Variants in KHDC1L observed in about 807,000 individuals in gnomAD.
KHDC1L encodes the protein KHDC1-like protein.
KHDC1L carries 5 observed loss-of-function variants against 11.2 expected under a neutral mutation model. The observed-to-expected ratio is 0.45, with a 90% confidence interval of 0.23 to 0.94. The LOEUF (loss-of-function observed/expected upper bound fraction) is 0.94. Among genes scored for constraint, KHDC1L ranks in the 40% least tolerant of loss-of-function variants. The pLI is 0.22. For missense variants in KHDC1L, 168 were observed against 165.8 expected (o/e 1.01, Z -0.07); for synonymous variants, 66 against 62.7 (o/e 1.05, Z -0.25).
chr6:73,225,289 C>T lies in KHDC1L; in HGVS notation c.112+8G>A, dbSNP rs1420792189. 1 of 1,612,202 alleles carries T rather than the reference C, an allele frequency of 6.2e-7. No individual in the cohort carries two copies. The highest frequency in any genetic ancestry group is 8.5e-7 in the Non-Finnish European group (1 of 1,178,800). ...ATGAAGGAGGGGACGTGGGCAAAGG[C>T]CACTCACCGAAGATGAGCTCCTCCT... On this transcript the variant is annotated splice_region_variant and intron_variant, in intron 1 of 2. Coordinates refer to ENST00000370388, the MANE Select transcript of KHDC1L (RefSeq NM_001126063.3).
At position 73,225,163 on chromosome 6, in the gene KHDC1L, A is replaced by C. The variant is rs936230858; in HGVS notation, c.112+134T>G. 3 of 682,000 alleles carry C rather than the reference A, an allele frequency of 4.4e-6. No individual in the cohort carries two copies. In the African/African-American group the frequency reaches 5.4e-5, roughly 12 times the overall value. 42.2% of individuals were successfully genotyped at this position (682,000 alleles called of 1,614,324 possible). On this transcript the variant is annotated intron_variant, in intron 1 of 2. Transcript: ENST00000370388. ...GCGCCTGTAATCCCAGGTACTCTGCAGGCTGAAGCAGGAGAATCACTTGAA... is the reference window on the plus strand; with the variant it reads ...GCGCCTGTAATCCCAGGTACTCTGCCGGCTGAAGCAGGAGAATCACTTGAA...
chr6:73,224,102 C>T, intron 2 of KHDC1L, 64 bp downstream of exon 2: 1 of 1,475,142 alleles, frequency 6.8e-7, no homozygotes, highest in Non-Finnish European at 9.1e-7. Context: ...CAAGATGCCA[C>T]ACAACACAGC....
chr6:73,225,250 A>G, intron 1 of KHDC1L, 47 bp downstream of exon 1: 1 of 1,549,382 alleles, frequency 6.5e-7, no homozygotes, highest in South Asian at 1.2e-5. Flanking sequence ...CAAAAAAATA[A>G]AAATAAAAAA....
At position 73,223,677 on chromosome 6, in the gene KHDC1L, G is replaced by C. The variant is rs1488775699; in HGVS notation, c.*71C>G. 1.5e-6 allele frequency: 2 copies of C among 1,300,836 alleles called. No individual in the cohort carries two copies. The highest frequency in any genetic ancestry group is 5.0e-5 in the East Asian group (2 of 39,768). The allele number at this position is 1,300,836 out of a possible 1,614,324, so 80.6% of individuals were successfully genotyped here. On this transcript the variant is annotated 3_prime_UTR_variant, in exon 3 of 3. Transcript: ENST00000370388. The stretch of plus-strand genomic sequence containing the variant: ...TGGCCACAAATTCAAACTTTCTTCA[G>C]TGTTTTTCATGTCTTTCTCACCAAA...
Position 73,225,364 on chromosome 6 carries a change from G to A in KHDC1L, c.45C>T (p.Thr15=), listed in dbSNP as rs1311147316. ...TTGGAGAATGAAAGTTTTCGGGCAG[G>A]GTCCACCACGGCTCCTTGCTGAGAG... The part of the protein sequence containing the change: ...TSALSKEPWW[T]LPENFHSPMV... The change falls in exon 1 of 3, where the codon ACC becomes ACT. Residue 15 remains threonine, a synonymous_variant. Coordinates refer to ENST00000370388, the MANE Select transcript of KHDC1L (RefSeq NM_001126063.3). 1 of 1,613,984 alleles carries A rather than the reference G, an allele frequency of 6.2e-7. No individual in the cohort carries two copies. Among genetic ancestry groups the A allele is most frequent in the Non-Finnish European group, 8.5e-7 (1 of 1,179,996 alleles).
At chr6:73,224,680 G>A (rs1766326573) in intron 1 of KHDC1L, among the ~76,000 whole-genome samples, 1 of 150,286 alleles carries the variant, frequency 6.7e-6, no homozygotes, top group African/African-American at 2.5e-5. Context: ...GGAGGCTGCG[G>A]CAGGAGAATG....
chr6:73,225,339 T>C lies in KHDC1L; in HGVS notation c.70A>G (p.Met24Val), dbSNP rs751527249. The C allele has an allele frequency of 5.0e-5, 81 of 1,613,836 alleles. No individual in the cohort carries two copies. Among genetic ancestry groups the C allele is most frequent in the Non-Finnish European group, 4.9e-5 (58 of 1,179,918 alleles). ...WTLPENFHSP[M>V]VFHMEEDQEE... ...TGGTCCTCTTCCATGTGGAACACCA[T>C]TGGAGAATGAAAGTTTTCGGGCAGG... The change falls in exon 1 of 3, where the codon ATG (methionine) becomes GTG (valine). Residue 24 changes from methionine to valine, a missense_variant. Coordinates refer to ENST00000370388, the MANE Select transcript of KHDC1L (RefSeq NM_001126063.3).
rs578176726 is a variant in KHDC1L, at chr6:73,225,350, A to C, written c.59T>G (p.Phe20Cys). 63 of 1,614,070 alleles carry C rather than the reference A, an allele frequency of 3.9e-5. No homozygotes were observed. In the East Asian group the frequency reaches 1.3e-3, roughly 33 times the overall value. Residue 20 changes from phenylalanine to cysteine, a missense_variant, in exon 1 of 3, where the codon TTT becomes TGT. By Grantham distance (205) the Phe-to-Cys change is radical. Coordinates refer to ENST00000370388, the MANE Select transcript of KHDC1L (RefSeq NM_001126063.3). ...CATGTGGAACACCATTGGAGAATGA[A>C]AGTTTTCGGGCAGGGTCCACCACGG... The part of the protein sequence containing the change: ...KEPWWTLPEN[F>C]HSPMVFHMEE...
Position 73,223,816 on chromosome 6 carries a change from G to A in KHDC1L, c.319C>T (p.Arg107Ter), listed in dbSNP as rs200612558. 61 of 1,603,468 alleles carry A rather than the reference G, an allele frequency of 3.8e-5. No individual in the cohort carries two copies. The highest frequency in any genetic ancestry group is 1.1e-4 in the East Asian group (5 of 44,582). The stretch of plus-strand genomic sequence containing the variant: ...TCATCATTGGTCAGGGGCTGGCTTC[G>A]GACACGCTCTAGCATCTTCAGACCT... ...ARGLKMLERV[R>*]SQPLTNDDLV... The change falls in exon 3 of 3, where the codon CGA (arginine) becomes TGA (stop). Residue 107 changes from arginine (R) to a stop codon, truncating the protein, a stop_gained. Transcript: ENST00000370388. LOFTEE classifies it low-confidence loss of function (END_TRUNC).
chr6:73,224,240 G>T lies in KHDC1L; in HGVS notation c.221C>A (p.Pro74Gln), dbSNP rs757105619. The change falls in exon 2 of 3, where the codon CCA becomes CAA. Residue 74 changes from proline to glutamine, a missense_variant. Pro to Gln is a moderately conservative substitution (Grantham distance 76). Coordinates refer to ENST00000370388, the MANE Select transcript of KHDC1L (RefSeq NM_001126063.3). ...CAGCAGCCACTGCTTTGCCATTGGT[G>T]GTCCGACTACAGTCACACGTGTCTG... ...TGQTRVTVVG[P>Q]PMAKQWLLLM... The T allele has an allele frequency of 6.3e-7, 1 of 1,581,326 alleles. No homozygotes were observed. The highest frequency in any genetic ancestry group is 1.8e-5 in the Admixed American group (1 of 54,930).
rs374958371 is a variant in KHDC1L at position 73,223,764 on chromosome 6, G to C, written c.371C>G (p.Pro124Arg). The C allele has an allele frequency of 4.2e-5, 68 of 1,606,942 alleles. No individual in the cohort carries two copies. Among genetic ancestry groups the C allele is most frequent in the Non-Finnish European group, 5.2e-5 (61 of 1,176,838 alleles). ...CAGGGGAGATCAGTCTCCGGTGTAC[G>C]GTGGCAGGCTAACGGAGGTGACCAG... ...DDLVTSVSLPPYTGD is the reference protein window; with the variant it reads ...DDLVTSVSLPRYTGD The change falls in exon 3 of 3, where the codon CCG becomes CGG. Residue 124 changes from proline to arginine, a missense_variant. Coordinates refer to ENST00000370388, the MANE Select transcript of KHDC1L (RefSeq NM_001126063.3).
At chr6:73,225,232 A>C in intron 1 of KHDC1L, 65 bp downstream of exon 1, 1 of 1,437,416 alleles carries the variant, frequency 7.0e-7, no homozygotes, top group East Asian at 2.4e-5. Context: ...ACGAGCGAGA[A>C]TCTGTCTCAA....
Position 73,225,462 on chromosome 6 carries a change from A to G in KHDC1L, c.-54T>C. 2 of 1,354,990 alleles carry G rather than the reference A, an allele frequency of 1.5e-6. No individual in the cohort carries two copies. The highest frequency in any genetic ancestry group is 1.1e-6 in the Non-Finnish European group (1 of 950,254). The allele number at this position is 1,354,990 out of a possible 1,614,324, so 83.9% of individuals were successfully genotyped here. Reference sequence around the variant, plus strand: ...GGAAAGTCTAACAAACTGGTTGGCAAAAGACTTGGAAAAGCGAGGAAGGGC... The same window carrying G: ...GGAAAGTCTAACAAACTGGTTGGCAGAAGACTTGGAAAAGCGAGGAAGGGC... On this transcript the variant is annotated 5_prime_UTR_variant, in exon 1 of 3. Transcript: ENST00000370388.
intron 1 of KHDC1L, among the ~76,000 whole-genome samples, chr6:73,224,866 G>A (rs1766333167): frequency 6.7e-6 from 1 of 149,834 alleles, no homozygotes; most frequent in African/African-American, 2.5e-5. Flanking sequence ...CAGATCAGGA[G>A]GTGAGGAAAT....
chr6:73,224,267 C>T lies in KHDC1L; in HGVS notation c.194G>A (p.Gly65Asp), dbSNP rs1000574846. ...TCCGACTACAGTCACACGTGTCTGGCCTGTAGCTGTGAAACACCTCTCCAG... is the reference window on the plus strand; with the variant it reads ...TCCGACTACAGTCACACGTGTCTGGTCTGTAGCTGTGAAACACCTCTCCAG... ...IQLERCFTAT[G>D]QTRVTVVGPP... Residue 65 changes from glycine (G) to aspartate (D), a missense_variant, in exon 2 of 3, where the codon GGC becomes GAC. By Grantham distance (94) the Gly-to-Asp change is moderately conservative. Transcript: ENST00000370388. 3 of 1,595,290 alleles carry T rather than the reference C, an allele frequency of 1.9e-6. No homozygotes were observed. The highest frequency in any genetic ancestry group is 1.7e-5 in the Admixed American group (1 of 57,302).
intron 1 of KHDC1L, 49 bp downstream of exon 1, chr6:73,225,248 T>C (rs1216509096): frequency 1.9e-6 from 3 of 1,539,954 alleles, no homozygotes; most frequent in Non-Finnish European, 2.7e-6. Flanking sequence ...CTCAAAAAAA[T>C]AAAAATAAAA....
chr6:73,224,630 G>A (rs1366622715), intron 1 of KHDC1L, among the ~76,000 whole-genome samples: 1 of 151,712 alleles, frequency 6.6e-6, no homozygotes, highest in African/African-American at 2.4e-5. Flanking sequence ...CAAAAAATTA[G>A]CCGGGCGTGG....
chr6:73,224,478 G>C lies in KHDC1L; in HGVS notation c.113-130C>G, dbSNP rs577947932. 1.8e-4 allele frequency: 144 copies of C among 797,314 alleles called. No homozygotes were observed. The South Asian group carries it at 2.7e-3, about 15-fold the overall frequency. 49.4% of individuals were successfully genotyped at this position (797,314 alleles called of 1,614,324 possible). ...GAGGGGAAGATTGAAAATCGAGAAG[G>C]GGATGAAGGAGGCCGGCCTAGCGCA... is the stretch of plus-strand genomic sequence containing the variant. On this transcript the variant is annotated intron_variant, in intron 1 of 2. Transcript: ENST00000370388.
intron 1 of KHDC1L, 60 bp downstream of exon 1, chr6:73,225,237 T>C: frequency 1.4e-6 from 2 of 1,470,546 alleles, no homozygotes; most frequent in Non-Finnish European, 1.9e-6. Context: ...CGAGAATCTG[T>C]CTCAAAAAAA....
Sources: allele counts gnomAD v4.1 joint callset (sites outside exome capture counted in the v4.1 genomes callset), GRCh38; gene constraint gnomAD v4.1.1; transcripts MANE v1.5; gene names NCBI Gene and HGNC (gene_info 2026-07-23, HGNC 2026-07-21).